The following PRELID2 variants were observed in gnomAD, a reference collection of about 807,000 sequenced individuals.
PRELID2 encodes the protein PRELI domain containing 2.
A neutral mutation model predicts 28.4 loss-of-function variants in PRELID2; 25 were observed. The ratio of observed to expected loss-of-function variants is 0.88; its 90% CI spans 0.64 to 1.23. PRELID2 has a LOEUF of 1.23. Ranked by LOEUF, PRELID2 falls within the 50% of genes most tolerant of loss-of-function variation. The pLI is 0.00. For synonymous variants in PRELID2, 76 were observed against 71.6 expected (o/e 1.06, Z -0.31); for missense variants, 201 against 214.4 (o/e 0.94, Z 0.39).
intron 1 of PRELID2, among the ~76,000 whole-genome samples, chr5:145,615,727 T>G (rs1753689585): frequency 6.6e-6 from 1 of 152,340 alleles, no homozygotes. Context: ...ACATTCAATG[T>G]TAGTATTGAG....
the PRELID2 span, among the ~76,000 whole-genome samples, chr5:145,303,605 T>C: frequency 6.6e-6 from 1 of 152,242 alleles, no homozygotes; most frequent in African/African-American, 2.4e-5. Context: ...GGCAGCCATC[T>C]GTGAGCTTTG....
the PRELID2 span, among the ~76,000 whole-genome samples, chr5:145,270,359 T>C: frequency 1.3e-5 from 2 of 152,068 alleles, no homozygotes; most frequent in Non-Finnish European, 2.9e-5. Context: ...GATATGTAAC[T>C]TGTCCCATAT....
chr5:145,451,027 T>C, the PRELID2 span: 2 of 152,286 alleles, frequency 1.3e-5, no homozygotes, highest in East Asian at 3.9e-4. Flanking sequence ...TATTGGGAGC[T>C]GGGAATGACC....
At chr5:145,255,532 G>T in the PRELID2 span, among the ~76,000 whole-genome samples, 1 of 151,972 alleles carries the variant, frequency 6.6e-6, no homozygotes, top group African/African-American at 2.4e-5. Context: ...CCAATGCTTT[G>T]GGAGGCAGAG....
At chr5:145,363,296 A>G in the PRELID2 span, among the ~76,000 whole-genome samples, 1 of 152,148 alleles carries the variant, frequency 6.6e-6, no homozygotes, top group Admixed American at 6.6e-5. Flanking sequence ...AAGGGCCCCA[A>G]ATAAATGTAT....
intron 1 of PRELID2, among the ~76,000 whole-genome samples, chr5:145,834,128 T>A (rs114915743): frequency 6.6e-6 from 1 of 152,332 alleles, no homozygotes; most frequent in African/African-American, 2.4e-5. Flanking sequence ...TGTATTGAAA[T>A]CGGTTGTAGT....
At chr5:145,554,138 T>C (rs1752860918) in intron 1 of PRELID2, among the ~76,000 whole-genome samples, 1 of 152,204 alleles carries the variant, frequency 6.6e-6, no homozygotes, top group Non-Finnish European at 1.5e-5. Flanking sequence ...AGTCCCAGGC[T>C]GTAGACTGAT....
chr5:145,386,396 T>G, the PRELID2 span, among the ~76,000 whole-genome samples: 1 of 152,036 alleles, frequency 6.6e-6, no homozygotes, highest in African/African-American at 2.4e-5. Context: ...CAGGGGCAGT[T>G]TCTCCCATGC....
At chr5:145,383,458 CT>C in the PRELID2 span, among the ~76,000 whole-genome samples, 1 of 150,034 alleles carries the variant, frequency 6.7e-6, no homozygotes, top group South Asian at 2.1e-4. Flanking sequence ...TAGTATAAAA[CT>C]AGTAAACTAA....
the PRELID2 span, among the ~76,000 whole-genome samples, chr5:145,355,378 AT>A: frequency 6.6e-6 from 1 of 152,164 alleles, no homozygotes; most frequent in African/African-American, 2.4e-5. Context: ...TTTTTTAAGA[AT>A]TTTTTCTCTC....
At chr5:145,793,069 G>T (rs1484312987) in intron 5 of PRELID2, among the ~76,000 whole-genome samples, 1 of 152,128 alleles carries the variant, frequency 6.6e-6, no homozygotes. Flanking sequence ...CCTGCCCACA[G>T]ATTTCCACTC....
At chr5:145,411,042 A>G in the PRELID2 span, among the ~76,000 whole-genome samples, 2 of 152,142 alleles carry the variant, frequency 1.3e-5, no homozygotes, top group African/African-American at 4.8e-5. Flanking sequence ...TACAGTCTCC[A>G]TGCAAGTGTG....
At chr5:145,450,163 G>A in the PRELID2 span, among the ~76,000 whole-genome samples, 1 of 152,144 alleles carries the variant, frequency 6.6e-6, no homozygotes, top group East Asian at 1.9e-4. Flanking sequence ...CAAAAGTCAT[G>A]TCTTTGTGGA....
the PRELID2 span, among the ~76,000 whole-genome samples, chr5:145,341,583 T>G: frequency 0.31 from 46,795 of 151,632 alleles, 7,601 homozygotes; most frequent in African/African-American, 0.4. Flanking sequence ...CAACCAGGTA[T>G]AAATTCTGGC....
chr5:145,658,007 T>C (rs1449778177), intron 1 of PRELID2, among the ~76,000 whole-genome samples: 1 of 152,154 alleles, frequency 6.6e-6, no homozygotes, highest in Non-Finnish European at 1.5e-5. Flanking sequence ...TCATATAACT[T>C]ACCAAATCAC....
chr5:145,668,318 G>A (rs929602838), intron 1 of PRELID2, among the ~76,000 whole-genome samples: 2 of 150,820 alleles, frequency 1.3e-5, no homozygotes, highest in African/African-American at 2.4e-5. Context: ...TGAATCATCT[G>A]CATAACCAAT....
the PRELID2 span, among the ~76,000 whole-genome samples, chr5:145,351,852 A>G: frequency 6.6e-6 from 1 of 152,152 alleles, no homozygotes; most frequent in Non-Finnish European, 1.5e-5. Context: ...AAGGGGTTAC[A>G]TGCCCCTTGA....
chr5:145,556,119 A>C (rs781292742), intron 1 of PRELID2, among the ~76,000 whole-genome samples: 16 of 150,008 alleles, frequency 1.1e-4, no homozygotes, highest in Non-Finnish European at 2.2e-4. Context: ...CGGAAGTTGC[A>C]GTGAGCCAAG....
At chr5:145,567,012 T>C (rs1279526380) in intron 1 of PRELID2, among the ~76,000 whole-genome samples, 1 of 152,150 alleles carries the variant, frequency 6.6e-6, no homozygotes, top group Non-Finnish European at 1.5e-5. Context: ...AATAAAAGAA[T>C]TTCTTCCAAT....
Sources: allele counts gnomAD v4.1 joint callset (sites outside exome capture counted in the v4.1 genomes callset), GRCh38; gene constraint gnomAD v4.1.1; transcripts MANE v1.5; gene names NCBI Gene and HGNC (gene_info 2026-07-23, HGNC 2026-07-21).